Variants in GFPT2 observed in about 807,000 individuals in gnomAD.
GFPT2 encodes the protein glutamine--fructose-6-phosphate transaminase 2.
In GFPT2, 62 loss-of-function variants were observed where a neutral mutation model predicts 85.6. The ratio of observed to expected loss-of-function variants is 0.72; its 90% CI spans 0.59 to 0.90. GFPT2 has a LOEUF of 0.90. Ranked by LOEUF, GFPT2 falls within the 40% of genes least tolerant of loss-of-function variation. GFPT2 has a pLI of 0.00. For synonymous variants in GFPT2, 368 were observed against 344.5 expected (o/e 1.07, Z -0.75); for missense variants, 788 against 893.4 (o/e 0.88, Z 1.50).
chr5:180,307,327 G>A (rs749874923), intron 15 of GFPT2, 24 bp from the exon 16 acceptor site: 8 of 1,612,614 alleles, frequency 5.0e-6, no homozygotes, highest in African/African-American at 2.7e-5. Context: ...GGAGCAGAGG[G>A]AGAAAACCAG....
At chr5:180,346,667 C>T (rs570539029) in intron 1 of GFPT2, among the ~76,000 whole-genome samples, 4 of 152,366 alleles carry the variant, frequency 2.6e-5, no homozygotes, top group East Asian at 1.9e-4. Flanking sequence ...CCAGTGCGTG[C>T]GCCCCTGGGG....
chr5:180,337,452 C>CA (rs1764424027), intron 2 of GFPT2, among the ~76,000 whole-genome samples: 10 of 87,516 alleles, frequency 1.1e-4, no homozygotes, highest in African/African-American at 3.6e-4. Flanking sequence ...GACTCCATCT[C>CA]GAAAAAAAAA....
At chr5:180,352,465 C>T in intron 1 of GFPT2, 1 of 451,906 alleles carries the variant, frequency 2.2e-6, no homozygotes, top group South Asian at 1.6e-5. Context: ...CTCCGGGCCG[C>T]GGCCGCCCTC....
intron 17 of GFPT2, among the ~76,000 whole-genome samples, chr5:180,304,521 G>A (rs1763739326): frequency 2.0e-5 from 3 of 152,240 alleles, no homozygotes; most frequent in African/African-American, 7.2e-5. Flanking sequence ...CTGAGCTCCA[G>A]GCTAGGATCT....
chr5:180,335,802 T>G, intron 4 of GFPT2, 26 bp downstream of exon 4: 1 of 1,598,050 alleles, frequency 6.3e-7, no homozygotes, highest in African/African-American at 1.4e-5. Flanking sequence ...GGTGGAACCA[T>G]GGGGACGGGG....
chr5:180,311,231 C>A (rs1763875165), intron 15 of GFPT2, among the ~76,000 whole-genome samples: 1 of 152,222 alleles, frequency 6.6e-6, no homozygotes, highest in South Asian at 2.1e-4. Flanking sequence ...GCGTTCCATG[C>A]CAGCCTGGGG....
At chr5:180,336,656 G>A in intron 2 of GFPT2, 79 bp from the exon 3 acceptor site, 4 of 918,252 alleles carry the variant, frequency 4.4e-6, no homozygotes, top group Non-Finnish European at 3.7e-6. Flanking sequence ...CGCAGGGTCA[G>A]GGCTGCATGC....
chr5:180,333,007 T>A (rs911876603), intron 4 of GFPT2, among the ~76,000 whole-genome samples: 1 of 152,168 alleles, frequency 6.6e-6, no homozygotes, highest in Non-Finnish European at 1.5e-5. Flanking sequence ...TTTTGTGAGG[T>A]CACACCCAAA....
At chr5:180,350,026 T>A (rs1250008181) in intron 1 of GFPT2, among the ~76,000 whole-genome samples, 1 of 152,038 alleles carries the variant, frequency 6.6e-6, no homozygotes, top group Non-Finnish European at 1.5e-5. Context: ...GCTCATGCTG[T>A]GCCCCAGCCC....
rs565647394 is a variant in GFPT2 at position 180,332,719 on chromosome 5, T to G, written c.341-1166A>C. On this transcript the variant is annotated intron_variant, in intron 4 of 18. Transcript: ENST00000253778. ...CACCCGGCTAATTTTTGTATTTTTT[T>G]AGTAGAGACAGGGTTTCACCATGTT... 2.0e-5 allele frequency among the ~76,000 whole-genome samples: 3 copies of G among 152,184 alleles called. No individual in the cohort carries two copies. The South Asian group carries it at 6.2e-4, about 32-fold the overall frequency.
chr5:180,313,702 A>G (rs2127648877), intron 14 of GFPT2, 105 bp downstream of exon 14: 1 of 928,020 alleles, frequency 1.1e-6, no homozygotes, highest in Admixed American at 3.0e-5. Context: ...CGGGAAGGGG[A>G]AAGAAAGGCG....
chr5:180,329,456 T>C (rs975776789), intron 6 of GFPT2, among the ~76,000 whole-genome samples: 3 of 152,120 alleles, frequency 2.0e-5, no homozygotes, highest in African/African-American at 7.2e-5. Flanking sequence ...ATGAGAGAGG[T>C]ATTTCTGAAA....
chr5:180,337,063 A>G (rs1297686906), intron 2 of GFPT2, among the ~76,000 whole-genome samples: 2 of 152,262 alleles, frequency 1.3e-5, no homozygotes, highest in African/African-American at 2.4e-5. Flanking sequence ...AACAAGGTCA[A>G]CAGACTAAAC....
rs545201130 is a variant in GFPT2, at chr5:180,334,273, C to T, written c.340+1555G>A. Among the ~76,000 whole-genome samples, 5 of 152,342 alleles carry T rather than the reference C, an allele frequency of 3.3e-5. No homozygotes were observed. The South Asian group carries it at 1.0e-3, about 32-fold the overall frequency. On this transcript the variant is annotated intron_variant, in intron 4 of 18. Transcript: ENST00000253778. ...GCTCTGCTGAGCAGGGTGGATGGGG[C>T]TCTCCTTCCGTTTTCTGGGGGACGC...
intron 17 of GFPT2, among the ~76,000 whole-genome samples, chr5:180,303,142 A>G (rs1763711872): frequency 6.7e-6 from 1 of 149,100 alleles, no homozygotes; most frequent in African/African-American, 2.4e-5. Context: ...AGGCAGGAGA[A>G]TGGCGTGAAC....
chr5:180,316,535 T>C, intron 12 of GFPT2, 74 bp from the exon 13 acceptor site: 5 of 1,542,762 alleles, frequency 3.2e-6, no homozygotes, highest in Non-Finnish European at 4.5e-6. Flanking sequence ...GCTGGGCTTC[T>C]AGGGACAGTT....
At chr5:180,352,462 C>T (rs552366978) in intron 1 of GFPT2, 2 of 451,926 alleles carry the variant, frequency 4.4e-6, no homozygotes, top group Admixed American at 2.4e-5. Context: ...GCGCTCCGGG[C>T]CGCGGCCGCC....
At chr5:180,332,435 G>A (rs948415826) in intron 4 of GFPT2, among the ~76,000 whole-genome samples, 1 of 152,166 alleles carries the variant, frequency 6.6e-6, no homozygotes, top group South Asian at 2.1e-4. Context: ...TATTACCCTT[G>A]AGGTTCAATA....
chr5:180,333,347 G>A (rs1396448229), intron 4 of GFPT2, among the ~76,000 whole-genome samples: 2 of 151,882 alleles, frequency 1.3e-5, no homozygotes, highest in Non-Finnish European at 2.9e-5. Flanking sequence ...CCATTCTCCT[G>A]CCTCCGCCTC....
Sources: gnomAD v4.1 joint callset for allele counts (sites outside exome capture counted in the v4.1 genomes callset) on GRCh38, gnomAD v4.1.1 for gene constraint, MANE v1.5 for transcripts, NCBI Gene and HGNC (gene_info 2026-07-23, HGNC 2026-07-21) for gene names.